OTOF: variants seen among roughly 807,000 people sequenced by gnomAD.
The protein encoded by OTOF is fer-1-like family member 2.
In OTOF, 218 loss-of-function variants were observed where a neutral mutation model predicts 236.8. The ratio of observed to expected loss-of-function variants is 0.92; its 90% confidence interval spans 0.82 to 1.03. The LOEUF (loss-of-function observed/expected upper bound fraction) is 1.03, where lower values mean the gene tolerates loss of function less well. Ranked by LOEUF, OTOF falls within the 50% of genes least tolerant of loss-of-function variation. OTOF has a pLI of 0.00. For synonymous variants in OTOF, 1,041 were observed against 1,072.5 expected (o/e 0.97, Z 0.57); for missense variants, 2,590 against 2,694.4 (o/e 0.96, Z 0.86).
chr2:26,486,290 G>T (rs1665698728), intron 11 of OTOF, among the ~76,000 whole-genome samples: 1 of 146,768 alleles, frequency 6.8e-6, no homozygotes, highest in Non-Finnish European at 1.5e-5. Context: ...GGGTGAGTGG[G>T]TGGATCTGTA....
intron 31 of OTOF, 93 bp downstream of exon 31, chr2:26,471,028 G>GGCTCTGTCCCTGAT: frequency 2.0e-6 from 3 of 1,493,084 alleles, no homozygotes; most frequent in Non-Finnish European, 2.8e-6. Flanking sequence ...GGCTGGGGCT[G>GGCTCTGTCCCTGAT]GCTCTGTCCC....
At chr2:26,506,133 C>A (rs1342047002) in intron 5 of OTOF, among the ~76,000 whole-genome samples, 3 of 152,186 alleles carry the variant, frequency 2.0e-5, no homozygotes, top group Non-Finnish European at 4.4e-5. Context: ...CTGCCATAGG[C>A]CCAGCTTCAG....
intron 2 of OTOF, among the ~76,000 whole-genome samples, chr2:26,533,046 A>C: frequency 6.6e-6 from 1 of 152,192 alleles, no homozygotes; most frequent in East Asian, 1.9e-4. Flanking sequence ...ACACAGCAAG[A>C]GGTGAGCCGC....
At chr2:26,488,520 G>A (rs1314957331) in intron 11 of OTOF, among the ~76,000 whole-genome samples, 1 of 152,220 alleles carries the variant, frequency 6.6e-6, no homozygotes, top group Non-Finnish European at 1.5e-5. Flanking sequence ...TACCCTACAG[G>A]ACGCCACGGA....
chr2:26,510,385 A>C (rs1447852718), intron 5 of OTOF, among the ~76,000 whole-genome samples: 1 of 151,838 alleles, frequency 6.6e-6, no homozygotes, highest in African/African-American at 2.4e-5. Flanking sequence ...CCTCCCAGGG[A>C]AGCCCGAAGG....
chr2:26,511,499 C>T (rs1263131717), intron 5 of OTOF, among the ~76,000 whole-genome samples: 2 of 152,244 alleles, frequency 1.3e-5, no homozygotes, highest in African/African-American at 4.8e-5. Flanking sequence ...TTATTCCTCT[C>T]CTCACACCCT....
chr2:26,475,784 AC>A, intron 24 of OTOF, 129 bp downstream of exon 24: 1 of 1,227,498 alleles, frequency 8.1e-7, no homozygotes, highest in East Asian at 2.6e-5. Flanking sequence ...CCCCTGAGAA[AC>A]CGGGGCACTG....
chr2:26,522,924 G>A (rs534799949), intron 3 of OTOF, among the ~76,000 whole-genome samples: 1 of 152,346 alleles, frequency 6.6e-6, no homozygotes, highest in East Asian at 1.9e-4. Context: ...CTGGCCCCAC[G>A]AGGGGCTGGG....
At chr2:26,536,604 C>G (rs1311112102) in intron 2 of OTOF, among the ~76,000 whole-genome samples, 1 of 152,188 alleles carries the variant, frequency 6.6e-6, no homozygotes, top group Non-Finnish European at 1.5e-5. Context: ...GAGGGGGAGA[C>G]AGCTGGTGCC....
At position 26,473,696 on chromosome 2, in the gene OTOF, A is replaced by G; in HGVS notation, c.3409-129T>C. ...GGCAGTAGTTCACCCCAGATTTCAAAGGGTGGGAGCAGGGCCAGGAGAGCA... is the reference window on the plus strand; with the variant it reads ...GGCAGTAGTTCACCCCAGATTTCAAGGGGTGGGAGCAGGGCCAGGAGAGCA... On this transcript the variant is annotated intron_variant, in intron 27 of 46. Coordinates refer to ENST00000272371, the MANE Select transcript of OTOF (RefSeq NM_194248.3). This position sits in a 1 kb window ranked among gnomAD's most constrained non-coding sequence, Gnocchi z 7.2. The G allele has an allele frequency of 9.7e-7, 1 of 1,029,866 alleles. No individual in the cohort carries two copies. The highest frequency in any genetic ancestry group is 1.4e-6 in the Non-Finnish European group (1 of 710,722). The allele number at this position is 1,029,866 out of a possible 1,614,324, so 63.8% of individuals were successfully genotyped here. A position where few individuals can be genotyped will look rare whatever the true frequency, so the allele number is the denominator to read the frequency against.
At chr2:26,534,022 G>A (rs1005703275) in intron 2 of OTOF, among the ~76,000 whole-genome samples, 4 of 152,088 alleles carry the variant, frequency 2.6e-5, no homozygotes, top group African/African-American at 7.2e-5. Flanking sequence ...CCATCTGCCC[G>A]CTAGACTGAG....
At chr2:26,540,785 G>GA (rs1245631715) in intron 1 of OTOF, among the ~76,000 whole-genome samples, 13 of 152,130 alleles carry the variant, frequency 8.5e-5, no homozygotes, top group African/African-American at 3.1e-4. Context: ...AGATAAGGAG[G>GA]AAAAAACCAT....
chr2:26,519,668 C>A (rs2148103577), intron 3 of OTOF, among the ~76,000 whole-genome samples: 1 of 152,310 alleles, frequency 6.6e-6, no homozygotes, highest in South Asian at 2.1e-4. Flanking sequence ...ACAGCACAGT[C>A]CTGGCATCAA....
chr2:26,540,938 G>A (rs1328442856), intron 1 of OTOF, among the ~76,000 whole-genome samples: 2 of 152,258 alleles, frequency 1.3e-5, no homozygotes, highest in African/African-American at 4.8e-5. Flanking sequence ...AATCAAGGGA[G>A]GAGAGGGAAA....
chr2:26,463,051 G>A (rs1664554343), intron 41 of OTOF, among the ~76,000 whole-genome samples: 2 of 152,208 alleles, frequency 1.3e-5, no homozygotes, highest in Non-Finnish European at 2.9e-5. Context: ...TGGATGTGAG[G>A]ATGACGCAGG....
chr2:26,465,888 G>A lies in OTOF; in HGVS notation c.4629-46C>T, dbSNP rs371490726. ...GAAGGGCTTAAGGATTGGCTAGGGT[G>A]GGAGGTGTTCTGGGTTGGAGAAGTA... On this transcript the variant is annotated intron_variant, in intron 37 of 46. Coordinates refer to ENST00000272371, the MANE Select transcript of OTOF (RefSeq NM_194248.3). The A allele has an allele frequency of 3.1e-6, 5 of 1,614,038 alleles. No homozygotes were observed. The African/African-American group carries it at 6.7e-5, about 22-fold the overall frequency.
intron 31 of OTOF, 77 bp downstream of exon 31, chr2:26,471,044 C>T: frequency 6.4e-7 from 1 of 1,556,476 alleles, no homozygotes. Context: ...GTCCCTGATG[C>T]TGGACCCTTT....
chr2:26,513,095 AG>A (rs1180062255), intron 5 of OTOF, among the ~76,000 whole-genome samples: 3 of 152,112 alleles, frequency 2.0e-5, no homozygotes, highest in Non-Finnish European at 2.9e-5. Flanking sequence ...ACCAGGGCCT[AG>A]GGGAGGTGGA....
Position 26,475,952 on chromosome 2 carries a change from C to T in OTOF, c.2953G>A (p.Ala985Thr). Residue 985 changes from alanine (A) to threonine (T), a missense_variant, in exon 24 of 47, where the codon GCC becomes ACC. Coordinates refer to ENST00000272371, the MANE Select transcript of OTOF (RefSeq NM_194248.3). ...ADSSGLSDPF[A>T]RVFFINQSQC... The stretch of plus-strand genomic sequence containing the variant: ...CTCTGATTGATGAAGAAGACGCGGG[C>T]AAAGGGGTCTGAGAGTCCGCTGCTG... 6.2e-7 allele frequency: 1 copy of T among 1,611,850 alleles called. No individual in the cohort carries two copies. Among genetic ancestry groups the T allele is most frequent in the Non-Finnish European group, 8.5e-7 (1 of 1,179,558 alleles).
Sources: allele counts gnomAD v4.1 joint callset (sites outside exome capture counted in the v4.1 genomes callset), GRCh38; gene constraint gnomAD v4.1.1; non-coding constraint Gnocchi (gnomAD v3.1); transcripts MANE v1.5; gene names NCBI Gene and HGNC (gene_info 2026-07-23, HGNC 2026-07-21).